PAX5: variants seen among roughly 807,000 people sequenced by gnomAD.
PAX5 encodes the protein paired box 5.
Under a neutral mutation model 43.7 loss-of-function variants are expected in PAX5, and 9 were observed. That is an observed-to-expected ratio of 0.21 (90% CI 0.12 to 0.36). PAX5 has a LOEUF of 0.36. Among genes scored for constraint, PAX5 ranks in the 10% least tolerant of loss-of-function variants. The probability of loss-of-function intolerance (pLI) is 1.00; values close to 1 mark genes in which losing one functional copy is unlikely to be tolerated. For synonymous variants in PAX5, 228 were observed against 214.3 expected, an observed-to-expected ratio of 1.06 and a Z score of -0.56; for missense variants, 383 against 532.7, an observed-to-expected ratio of 0.72 and a Z score of 2.77.
chr9:37,023,208 A>G (rs1435719031), intron 1 of PAX5, among the ~76,000 whole-genome samples: 1 of 152,216 alleles, frequency 6.6e-6, no homozygotes, highest in African/African-American at 2.4e-5. Context: ...AGAAGCTAGA[A>G]TAGGCCAAGA....
At position 36,836,320 on chromosome 9, in the gene PAX5, G is replaced by T. The variant is rs1435432924; in HGVS notation, c.*4240C>A. The stretch of plus-strand genomic sequence containing the variant: ...TGGGAGAGTGGCAGGCTCTGGGCGT[G>T]CCCGTTTCTACCCCTGCCTTGCTGG... On this transcript the variant is annotated 3_prime_UTR_variant, in exon 10 of 10. Coordinates refer to ENST00000358127, the MANE Select transcript of PAX5 (RefSeq NM_016734.3). The T allele has an allele frequency of 4.7e-5, 11 of 233,248 alleles. No individual in the cohort carries two copies. The highest frequency in any genetic ancestry group is 1.2e-3 in the Middle Eastern group (1 of 810). 14.4% of individuals were successfully genotyped at this position (233,248 alleles called of 1,614,324 possible).
intron 7 of PAX5, among the ~76,000 whole-genome samples, chr9:36,891,399 C>A (rs773654281): frequency 1.3e-5 from 2 of 152,218 alleles, no homozygotes; most frequent in Non-Finnish European, 2.9e-5. Context: ...ACGCACACGT[C>A]GGTGCGTGTG....
At chr9:36,985,923 A>T (rs1462907552) in intron 5 of PAX5, among the ~76,000 whole-genome samples, 2 of 152,242 alleles carry the variant, frequency 1.3e-5, no homozygotes, top group Non-Finnish European at 2.9e-5. Flanking sequence ...GAGGGAAGAA[A>T]GAGTGGCAGT....
intron 6 of PAX5, among the ~76,000 whole-genome samples, chr9:36,937,166 T>C (rs1831627595): frequency 6.6e-6 from 1 of 152,210 alleles, no homozygotes; most frequent in South Asian, 2.1e-4. Flanking sequence ...ATAACTTGCA[T>C]TGACTGGGTG....
chr9:36,919,031 T>G (rs1032758191), intron 7 of PAX5, among the ~76,000 whole-genome samples: 8 of 152,216 alleles, frequency 5.3e-5, no homozygotes, highest in African/African-American at 1.9e-4. Context: ...TTCAAAAGCT[T>G]CAAAGAACAG....
In PAX5 at chr9:36,966,611, C is replaced by T. The variant is rs766774692; in HGVS notation, c.718G>A (p.Val240Met). The change falls in exon 6 of 10, where the codon GTG (valine) becomes ATG (methionine). Residue 240 changes from valine to methionine, a missense_variant. Physicochemically the swap from Val to Met is conservative, Grantham distance 21 (BLOSUM62 1). Around this residue, in one of 5 missense-constraint regions of PAX5, gnomAD observed 291 missense variants for 342.5 expected, o/e 0.85. Transcript: ENST00000358127. ...TQQQLEVLDR[V>M]FERQHYSDIF... Reference sequence around the variant, plus strand: ...TCTGAGTAGTGCTGCCTCTCAAACACGCGGTCCAGCACCTCCAGCTGCTGC... The same window carrying T: ...TCTGAGTAGTGCTGCCTCTCAAACATGCGGTCCAGCACCTCCAGCTGCTGC... 6.8e-6 allele frequency: 11 copies of T among 1,614,200 alleles called. No individual in the cohort carries two copies. In the East Asian group the frequency reaches 1.1e-4, roughly 16 times the overall value.
intron 8 of PAX5, among the ~76,000 whole-genome samples, chr9:36,849,186 C>T (rs1286273982): frequency 3.3e-5 from 5 of 152,232 alleles, no homozygotes; most frequent in Admixed American, 3.3e-4. Context: ...GCCACCCTCA[C>T]CCCAGCTTGG....
chr9:36,996,818 T>C (rs1034296679), intron 5 of PAX5, among the ~76,000 whole-genome samples: 1 of 151,554 alleles, frequency 6.6e-6, no homozygotes, highest in East Asian at 1.9e-4. Context: ...AAGAGGGGAT[T>C]TGGGGAGAGA....
intron 3 of PAX5, among the ~76,000 whole-genome samples, chr9:37,010,140 G>A (rs972202980): frequency 6.6e-6 from 1 of 152,216 alleles, no homozygotes; most frequent in African/African-American, 2.4e-5. Context: ...ATGACAGGCT[G>A]TCAAGACTCA....
At position 36,891,147 on chromosome 9, in the gene PAX5, CA is replaced by C. The variant is rs545088727; in HGVS notation, c.911-9043del. On this transcript the variant is annotated intron_variant, in intron 7 of 9. Transcript: ENST00000358127. ...GAGCGCAACTTCATCTCCAAAAAAACAAAAAAAAACTTCATTTTACATATTG... is the reference window on the plus strand; with the variant it reads ...GAGCGCAACTTCATCTCCAAAAAAACAAAAAAAACTTCATTTTACATATTG... 2.3e-4 allele frequency among the ~76,000 whole-genome samples: 35 copies of C among 150,972 alleles called. No homozygotes were observed. In the South Asian group the frequency reaches 5.9e-3, roughly 25 times the overall value.
intron 7 of PAX5, among the ~76,000 whole-genome samples, chr9:36,921,453 T>C (rs927586188): frequency 1.3e-5 from 2 of 152,182 alleles, no homozygotes; most frequent in African/African-American, 4.8e-5. Context: ...AGCTGATCTG[T>C]GTGGCAGCAT....
In PAX5 at chr9:36,949,416, G is replaced by T. The variant is rs879646846; in HGVS notation, c.780+17133C>A. Among the ~76,000 whole-genome samples the T allele has an allele frequency of 8.7e-5, 12 of 138,600 alleles. No individual in the cohort carries two copies. The South Asian group carries it at 1.4e-3, about 16-fold the overall frequency. 90.9% of individuals were successfully genotyped at this position (138,600 alleles called of 152,430 possible). On this transcript the variant is annotated intron_variant, in intron 6 of 9. Transcript: ENST00000358127. ...TTATGAGAAAACTGAGGATAAAGCA[G>T]TGGTAAAGCCAAGTAGATTGGAAAT...
chr9:36,987,513 G>A (rs1836530619), intron 5 of PAX5, among the ~76,000 whole-genome samples: 1 of 152,232 alleles, frequency 6.6e-6, no homozygotes, highest in Non-Finnish European at 1.5e-5. Flanking sequence ...TCTCTCTGGT[G>A]CCAGTAGGAA....
At chr9:37,002,528 A>G in intron 5 of PAX5, 120 bp downstream of exon 5, 1 of 1,037,272 alleles carries the variant, frequency 9.6e-7, no homozygotes. Context: ...GGGCCGGGGG[A>G]CTCGCTCCTC....
intron 5 of PAX5, among the ~76,000 whole-genome samples, chr9:36,983,571 C>T (rs778831704): frequency 3.9e-5 from 6 of 152,186 alleles, no homozygotes; most frequent in African/African-American, 7.2e-5. Context: ...GCAAAGGAAG[C>T]GCTACAAAAT....
At chr9:36,912,811 C>G (rs945690502) in intron 7 of PAX5, among the ~76,000 whole-genome samples, 11 of 152,224 alleles carry the variant, frequency 7.2e-5, no homozygotes, top group African/African-American at 2.2e-4. Flanking sequence ...CTCAGACACC[C>G]CTTCGGTGGC....
intron 8 of PAX5, among the ~76,000 whole-genome samples, chr9:36,869,475 T>C (rs967309222): frequency 5.3e-5 from 8 of 152,220 alleles, no homozygotes; most frequent in African/African-American, 1.9e-4. Flanking sequence ...GCTGTGCCCC[T>C]ATTCTTTGAT....
At chr9:37,033,804 A>G (rs1405151860) in intron 1 of PAX5, among the ~76,000 whole-genome samples, 182 bp downstream of exon 1, 2 of 152,220 alleles carry the variant, frequency 1.3e-5, no homozygotes, top group African/African-American at 4.8e-5. Flanking sequence ...ACTCACAGAT[A>G]TTTGGACTGA....
At chr9:37,033,161 C>T (rs972842467) in intron 1 of PAX5, among the ~76,000 whole-genome samples, 2 of 152,226 alleles carry the variant, frequency 1.3e-5, no homozygotes, top group Non-Finnish European at 2.9e-5. Context: ...CCTGTTTGTA[C>T]AAATGGTAGC....
Sources: gnomAD v4.1 joint callset for allele counts (sites outside exome capture counted in the v4.1 genomes callset) on GRCh38, gnomAD v4.1.1 for gene constraint, gnomAD v4.1.1 regional missense constraint, MANE v1.5 for transcripts, NCBI Gene and HGNC (gene_info 2026-07-23, HGNC 2026-07-21) for gene names.